GRIA4: variants seen among roughly 807,000 people sequenced by gnomAD.
The protein encoded by GRIA4 is glutamate ionotropic receptor AMPA type subunit 4, also known as glutamate receptor 4.
In GRIA4, 34 loss-of-function variants were observed where a neutral mutation model predicts 104.0. The observed-to-expected ratio is 0.33, with a 90% CI of 0.25 to 0.44. The LOEUF (loss-of-function observed/expected upper bound fraction) is 0.44, where lower values mean the gene tolerates loss of function less well. Ranked by LOEUF, GRIA4 falls within the 20% of genes least tolerant of loss-of-function variation. GRIA4 has a pLI of 1.00. For synonymous variants in GRIA4, 386 were observed against 381.9 expected (o/e 1.01, Z -0.13); for missense variants, 750 against 1,096.5 (o/e 0.68, Z 4.46).
chr11:105,759,294 C>A (rs1474857110), intron 4 of GRIA4, among the ~76,000 whole-genome samples: 1 of 152,028 alleles, frequency 6.6e-6, no homozygotes, highest in Non-Finnish European at 1.5e-5. Context: ...GAGATTTAAA[C>A]CTTCATGCAC....
chr11:105,751,435 A>G (rs1471848429), intron 3 of GRIA4, among the ~76,000 whole-genome samples: 3 of 152,192 alleles, frequency 2.0e-5, no homozygotes. Flanking sequence ...TAAACTTAAG[A>G]TGCCTGAAGC....
At position 105,813,093 on chromosome 11, in the gene GRIA4, CAA is replaced by C. The variant is rs58984237; in HGVS notation, c.488-48910_488-48909del. Among the ~76,000 whole-genome samples, 18 of 80,444 alleles carry C rather than the reference CAA, an allele frequency of 2.2e-4. No individual in the cohort carries two copies. The East Asian group carries it at 4.5e-3, about 20-fold the overall frequency. 52.8% of individuals were successfully genotyped at this position (80,444 alleles called of 152,430 possible). A position where few individuals can be genotyped will look rare whatever the true frequency, so the allele number is the denominator to read the frequency against. On this transcript the variant is annotated intron_variant, in intron 4 of 16. Transcript: ENST00000282499. The stretch of plus-strand genomic sequence containing the variant: ...TGGGCAACAGAGTGAGACTCCATCT[CAA>C]AAAAAAAAAAAAAAAAAAAAGAAGA...
At position 105,946,047 on chromosome 11, in the gene GRIA4, G is replaced by A. The variant is rs192448657; in HGVS notation, c.2294+12078G>A. ...ATACAAACTTAGTGAGATTTTTAAG[G>A]TGCCATAGGAAAACTGTGGTTAGAA... On this transcript the variant is annotated intron_variant, in intron 14 of 16. Coordinates refer to ENST00000282499, the MANE Select transcript of GRIA4 (RefSeq NM_000829.4). Among the ~76,000 whole-genome samples, 24 of 152,190 alleles carry A rather than the reference G, an allele frequency of 1.6e-4. No homozygotes were observed. In the South Asian group the frequency reaches 3.5e-3, roughly 22 times the overall value.
intron 3 of GRIA4, among the ~76,000 whole-genome samples, chr11:105,752,457 A>C (rs1940058279): frequency 6.6e-6 from 1 of 152,210 alleles, no homozygotes. Flanking sequence ...CAAGCAAATA[A>C]AAAGTAACAA....
Position 105,933,755 on chromosome 11 carries a change from A to G in GRIA4, c.2080A>G (p.Thr694Ala). Residue 694 changes from threonine to alanine, a missense_variant, in exon 14 of 17, where the codon ACC becomes GCC. Thr to Ala is a moderately conservative substitution (Grantham distance 58). Coordinates refer to ENST00000282499, the MANE Select transcript of GRIA4 (RefSeq NM_000829.4). ...AATAGCAGTGTATGAAAAGATGTGG[A>G]CCTACATGCGATCAGCAGAGCCATC... ...SKIAVYEKMW[T>A]YMRSAEPSVF... is the part of the protein sequence containing the mutation. 1.2e-6 allele frequency: 2 copies of G among 1,606,812 alleles called. No homozygotes were observed.
At chr11:105,767,351 G>A (rs1247854057) in intron 4 of GRIA4, among the ~76,000 whole-genome samples, 2 of 151,976 alleles carry the variant, frequency 1.3e-5, no homozygotes, top group Non-Finnish European at 2.9e-5. Context: ...AGGAAAATAC[G>A]TATGTTTTAT....
At chr11:105,629,655 T>C (rs1950982009) in intron 3 of GRIA4, among the ~76,000 whole-genome samples, 1 of 152,326 alleles carries the variant, frequency 6.6e-6, no homozygotes, top group African/African-American at 2.4e-5. Flanking sequence ...ATTAACACTT[T>C]TCTTGATTCA....
chr11:105,907,743 G>A (rs1947093824), intron 9 of GRIA4, among the ~76,000 whole-genome samples: 2 of 152,114 alleles, frequency 1.3e-5, no homozygotes, highest in Admixed American at 6.6e-5. Flanking sequence ...CACTGTAATG[G>A]AAAATTGATG....
intron 4 of GRIA4, among the ~76,000 whole-genome samples, chr11:105,760,613 T>C (rs1329520955): frequency 1.3e-5 from 2 of 152,156 alleles, no homozygotes; most frequent in Non-Finnish European, 2.9e-5. Flanking sequence ...ATGTTTAAAT[T>C]AGTTTCTTCT....
At chr11:105,939,308 CTT>C (rs1219374700) in intron 14 of GRIA4, among the ~76,000 whole-genome samples, 1 of 152,138 alleles carries the variant, frequency 6.6e-6, no homozygotes, top group Admixed American at 6.6e-5. Context: ...TACCACTACA[CTT>C]AGAAGTTGTA....
At chr11:105,763,539 G>C (rs1940773498) in intron 4 of GRIA4, among the ~76,000 whole-genome samples, 1 of 151,982 alleles carries the variant, frequency 6.6e-6, no homozygotes, top group Non-Finnish European at 1.5e-5. Flanking sequence ...AACATCTACT[G>C]TCTGGTAACA....
chr11:105,687,552 C>T (rs1952922651), intron 3 of GRIA4, among the ~76,000 whole-genome samples: 1 of 152,176 alleles, frequency 6.6e-6, no homozygotes, highest in African/African-American at 2.4e-5. Flanking sequence ...CATATCAGGA[C>T]TTGGCAACTG....
chr11:105,882,174 C>T (rs1946090137), intron 5 of GRIA4, among the ~76,000 whole-genome samples: 1 of 152,148 alleles, frequency 6.6e-6, no homozygotes, highest in Non-Finnish European at 1.5e-5. Flanking sequence ...GGCCCTAACA[C>T]CTCTGAATAT....
chr11:105,946,277 G>A (rs1399730054), intron 14 of GRIA4, among the ~76,000 whole-genome samples: 1 of 152,204 alleles, frequency 6.6e-6, no homozygotes, highest in East Asian at 1.9e-4. Context: ...AAACCAAGAG[G>A]AGAAACAAGT....
At chr11:105,787,249 C>T (rs1023713459) in intron 4 of GRIA4, among the ~76,000 whole-genome samples, 25 of 151,954 alleles carry the variant, frequency 1.6e-4, no homozygotes, top group Non-Finnish European at 4.4e-5. Flanking sequence ...ATTATATAAA[C>T]CTTTATAATG....
intron 4 of GRIA4, among the ~76,000 whole-genome samples, chr11:105,779,200 G>A (rs189507184): frequency 1.3e-5 from 2 of 152,008 alleles, no homozygotes; most frequent in East Asian, 1.9e-4. Flanking sequence ...GGACATTTGG[G>A]TTGGTTCCAA....
chr11:105,667,477 T>C (rs968736836), intron 3 of GRIA4, among the ~76,000 whole-genome samples: 1 of 152,030 alleles, frequency 6.6e-6, no homozygotes, highest in Admixed American at 6.6e-5. Flanking sequence ...GTTATTCTTA[T>C]AAAATTTCAA....
At chr11:105,771,782 A>G (rs994409756) in intron 4 of GRIA4, among the ~76,000 whole-genome samples, 2 of 152,060 alleles carry the variant, frequency 1.3e-5, no homozygotes, top group Admixed American at 6.6e-5. Flanking sequence ...ATTTGTAACA[A>G]TTTGAAAAAA....
At chr11:105,915,044 G>T (rs527905753) in intron 10 of GRIA4, among the ~76,000 whole-genome samples, 1 of 152,294 alleles carries the variant, frequency 6.6e-6, no homozygotes, top group Non-Finnish European at 1.5e-5. Flanking sequence ...TTGGGCGAAT[G>T]TTGAGTATTT....
Sources: gnomAD v4.1 joint callset for allele counts (sites outside exome capture counted in the v4.1 genomes callset) on GRCh38, gnomAD v4.1.1 for gene constraint, MANE v1.5 for transcripts, NCBI Gene and HGNC (gene_info 2026-07-23, HGNC 2026-07-21) for gene names.